HS3ST4: variants seen among roughly 807,000 people sequenced by gnomAD.
HS3ST4 encodes heparan sulfate-glucosamine 3-sulfotransferase 4.
HS3ST4 carries 17 observed loss-of-function variants against 29.2 expected under a neutral mutation model. The observed-to-expected ratio is 0.58, with a 90% CI of 0.40 to 0.87. The LOEUF (loss-of-function observed/expected upper bound fraction) is 0.87, where lower values mean the gene tolerates loss of function less well. Ranked by LOEUF, HS3ST4 falls within the 40% of genes least tolerant of loss-of-function variation. The pLI, the probability that HS3ST4 is intolerant of heterozygous loss-of-function variation, is 0.00. For synonymous variants in HS3ST4, 314 were observed against 285.7 expected, an observed-to-expected ratio of 1.10 and a Z score of -1.00; for missense variants, 627 against 634.5, an observed-to-expected ratio of 0.99 and a Z score of 0.13.
At chr16:25,982,902 G>A (rs114004980) in intron 1 of HS3ST4, among the ~76,000 whole-genome samples, 4,020 of 152,234 alleles carry the variant, frequency 0.026, 192 homozygotes, top group African/African-American at 0.092. Context: ...GTCCTAGTCC[G>A]CAGTCTGAAA....
intron 1 of HS3ST4, among the ~76,000 whole-genome samples, chr16:26,074,971 G>A (rs1222489726): frequency 1.3e-5 from 2 of 152,176 alleles, no homozygotes; most frequent in Non-Finnish European, 2.9e-5. Flanking sequence ...GAGGCAGGTA[G>A]ATCACGAGGT....
chr16:26,004,839 T>A (rs981180479), intron 1 of HS3ST4, among the ~76,000 whole-genome samples: 1 of 152,194 alleles, frequency 6.6e-6, no homozygotes, highest in African/African-American at 2.4e-5. Flanking sequence ...TGATTTCATT[T>A]TTTCAGACTC....
At chr16:25,722,289 G>A (rs181596820) in intron 1 of HS3ST4, among the ~76,000 whole-genome samples, 1 of 152,356 alleles carries the variant, frequency 6.6e-6, no homozygotes, top group East Asian at 1.9e-4. Flanking sequence ...CCCCAGAACT[G>A]ACAGAGCTGT....
In HS3ST4 at chr16:25,988,729, G is replaced by A. The variant is rs149544680; in HGVS notation, c.735-146883G>A. On this transcript the variant is annotated intron_variant, in intron 1 of 1. Coordinates refer to ENST00000331351, the MANE Select transcript of HS3ST4 (RefSeq NM_006040.3). Reference sequence around the variant, plus strand: ...CGTCGGAGAGTGGAGGGTGGAGGGAGGGAGAGAATCAGGAAAAATAACAAA... The same window carrying A: ...CGTCGGAGAGTGGAGGGTGGAGGGAAGGAGAGAATCAGGAAAAATAACAAA... 6.4e-3 allele frequency among the ~76,000 whole-genome samples: 975 copies of A among 152,114 alleles called. 12 individuals are homozygous for A. The highest frequency in any genetic ancestry group is 0.022 in the African/African-American group (929 of 41,484).
Position 25,725,741 on chromosome 16 carries a change from T to C in HS3ST4, c.734+32590T>C, listed in dbSNP as rs191893703. On this transcript the variant is annotated intron_variant, in intron 1 of 1. Coordinates refer to ENST00000331351, the MANE Select transcript of HS3ST4 (RefSeq NM_006040.3). ...GCACATTAAATAGAATGCAAATACA[T>C]ATAATTTACATATAATGAATATAAA... Among the ~76,000 whole-genome samples, 117 of 150,646 alleles carry C rather than the reference T, an allele frequency of 7.8e-4. 1 individual carries two copies. The highest frequency in any genetic ancestry group is 3.5e-3 in the Middle Eastern group (1 of 282).
chr16:25,751,332 A>G (rs1966718578), intron 1 of HS3ST4, among the ~76,000 whole-genome samples: 1 of 152,052 alleles, frequency 6.6e-6, no homozygotes, highest in African/African-American at 2.4e-5. Context: ...GTTTCCCTCC[A>G]TACACTCCTA....
rs1162538464 is a variant in HS3ST4 at position 26,007,885 on chromosome 16, G to A, written c.735-127727G>A. ...CTACAATCCAAGGACATAAACTTCT[G>A]GGGCCCAAGGCAGTTAGACACATGG... On this transcript the variant is annotated intron_variant, in intron 1 of 1. Coordinates refer to ENST00000331351, the MANE Select transcript of HS3ST4 (RefSeq NM_006040.3). Among the ~76,000 whole-genome samples the A allele has an allele frequency of 5.9e-5, 9 of 151,498 alleles. No homozygotes were observed. The East Asian group carries it at 1.7e-3, about 29-fold the overall frequency.
intron 1 of HS3ST4, among the ~76,000 whole-genome samples, chr16:26,057,532 A>AT (rs1898424789): frequency 6.6e-6 from 1 of 152,192 alleles, no homozygotes; most frequent in African/African-American, 2.4e-5. Flanking sequence ...AGGTGGGCAG[A>AT]TCATGAGGTC....
At chr16:25,783,893 C>T (rs1966854922) in intron 1 of HS3ST4, among the ~76,000 whole-genome samples, 1 of 151,398 alleles carries the variant, frequency 6.6e-6, no homozygotes, top group African/African-American at 2.4e-5. Context: ...GTGCAATTTG[C>T]AGATACTGTG....
chr16:25,819,449 T>G (rs993889081), intron 1 of HS3ST4, among the ~76,000 whole-genome samples: 1 of 152,050 alleles, frequency 6.6e-6, no homozygotes, highest in African/African-American at 2.4e-5. Context: ...ATCACAGATT[T>G]CCCCCTGGAA....
At chr16:25,809,945 T>C (rs1967026021) in intron 1 of HS3ST4, among the ~76,000 whole-genome samples, 1 of 152,120 alleles carries the variant, frequency 6.6e-6, no homozygotes, top group African/African-American at 2.4e-5. Context: ...GCTATTTGTT[T>C]CATTGATTTT....
intron 1 of HS3ST4, among the ~76,000 whole-genome samples, chr16:25,815,226 C>T (rs1967081436): frequency 6.6e-6 from 1 of 152,218 alleles, no homozygotes. Context: ...TGCTTAATCT[C>T]ACCCATGTGT....
intron 1 of HS3ST4, among the ~76,000 whole-genome samples, chr16:26,095,106 A>T (rs1596678998): frequency 6.6e-6 from 1 of 152,332 alleles, no homozygotes; most frequent in East Asian, 1.9e-4. Context: ...GAGTGCCCAG[A>T]TTCATAAAAC....
At chr16:25,704,016 A>G (rs561071491) in intron 1 of HS3ST4, among the ~76,000 whole-genome samples, 1 of 152,318 alleles carries the variant, frequency 6.6e-6, no homozygotes, top group Admixed American at 6.5e-5. Flanking sequence ...CCAGAAATCG[A>G]TCTTGTCCAT....
chr16:26,075,898 T>C (rs914931097), intron 1 of HS3ST4, among the ~76,000 whole-genome samples: 1 of 152,216 alleles, frequency 6.6e-6, no homozygotes, highest in Admixed American at 6.5e-5. Context: ...CATTCCTCCT[T>C]GGGATGTCTA....
intron 1 of HS3ST4, among the ~76,000 whole-genome samples, chr16:25,947,827 T>C (rs1968644588): frequency 6.6e-6 from 1 of 152,142 alleles, no homozygotes; most frequent in African/African-American, 2.4e-5. Context: ...CAATGCTTTG[T>C]GGCTTTGAGT....
At chr16:25,948,712 C>A (rs1373292530) in intron 1 of HS3ST4, among the ~76,000 whole-genome samples, 1 of 152,106 alleles carries the variant, frequency 6.6e-6, no homozygotes, top group Non-Finnish European at 1.5e-5. Flanking sequence ...CACCTAGTTT[C>A]TTTTCTTATG....
intron 1 of HS3ST4, among the ~76,000 whole-genome samples, chr16:26,096,542 C>T (rs900238250): frequency 4.6e-5 from 7 of 152,304 alleles, no homozygotes; most frequent in Admixed American, 4.6e-4. Flanking sequence ...CACAATTCCA[C>T]AGCACCTTTA....
intron 1 of HS3ST4, among the ~76,000 whole-genome samples, chr16:25,978,343 A>G (rs1596633340): frequency 6.6e-6 from 1 of 152,342 alleles, no homozygotes; most frequent in East Asian, 1.9e-4. Flanking sequence ...AAGAGTAAAC[A>G]TTTTAGTCTT....
Sources: allele counts gnomAD v4.1 joint callset (sites outside exome capture counted in the v4.1 genomes callset), GRCh38; gene constraint gnomAD v4.1.1; transcripts MANE v1.5; gene names NCBI Gene and HGNC (gene_info 2026-07-23, HGNC 2026-07-21).